GRIP1: variants seen among roughly 807,000 people sequenced by gnomAD.
GRIP1 encodes the protein glutamate receptor interacting protein 1.
In GRIP1, 45 loss-of-function variants were observed where a neutral mutation model predicts 129.9. The observed-to-expected ratio is 0.35, with a 90% CI of 0.27 to 0.44. The LOEUF is 0.44. GRIP1 is among the 20% of genes least tolerant of loss of function. The pLI, the probability that GRIP1 is intolerant of heterozygous loss-of-function variation, is 1.00. For synonymous variants in GRIP1, 530 were observed against 520.8 expected (o/e 1.02, Z -0.24); for missense variants, 1,196 against 1,396.8 (o/e 0.86, Z 2.29).
intron 1 of GRIP1, among the ~76,000 whole-genome samples, chr12:66,846,730 T>A (rs910949039): frequency 6.6e-6 from 1 of 152,202 alleles, no homozygotes; most frequent in Non-Finnish European, 1.5e-5. Context: ...TTGTAGTTTT[T>A]AAAAGACAAT....
At chr12:66,588,565 C>T (rs959360741) in intron 2 of GRIP1, among the ~76,000 whole-genome samples, 5 of 152,140 alleles carry the variant, frequency 3.3e-5, no homozygotes, top group African/African-American at 1.2e-4. Context: ...CCACCTTTTC[C>T]CTTCCCTCAC....
At chr12:66,933,403 A>G (rs2041432400) in intron 1 of GRIP1, among the ~76,000 whole-genome samples, 1 of 152,242 alleles carries the variant, frequency 6.6e-6, no homozygotes, top group South Asian at 2.1e-4. Flanking sequence ...TTTCTAAAAC[A>G]TAACTCTAGT....
rs192279129 is a variant in GRIP1 at position 66,703,626 on chromosome 12, A to G, written c.-419-73290T>C. Among the ~76,000 whole-genome samples the G allele has an allele frequency of 2.1e-3, 319 of 152,166 alleles. 1 individual carries two copies. Among genetic ancestry groups the G allele is most frequent in the African/African-American group, 7.4e-3 (309 of 41,522 alleles). On this transcript the variant is annotated intron_variant, in intron 1 of 4. Coordinates refer to the GRIP1 transcript ENST00000538373. ...GATGGGTGTCAGGAGAGGAAGAAAGAAGAGTCCAGGATGATGCCCAAACTT... is the reference window on the plus strand; with the variant it reads ...GATGGGTGTCAGGAGAGGAAGAAAGGAGAGTCCAGGATGATGCCCAAACTT...
At chr12:66,666,224 T>A (rs1194945063) in intron 1 of GRIP1, among the ~76,000 whole-genome samples, 1 of 152,158 alleles carries the variant, frequency 6.6e-6, no homozygotes, top group Non-Finnish European at 1.5e-5. Context: ...ATGTAAATAT[T>A]TTTCACTGGA....
At chr12:66,621,314 T>A (rs1298805857) in intron 1 of GRIP1, among the ~76,000 whole-genome samples, 4 of 152,186 alleles carry the variant, frequency 2.6e-5, no homozygotes, top group Admixed American at 6.5e-5. Context: ...TCTGTCTCTA[T>A]GAATTTGCCT....
Position 66,349,218 on chromosome 12 carries a change from T to G in GRIP1, c.3188A>C (p.Asp1063Ala), listed in dbSNP as rs2054112126. The change falls in exon 25 of 25, where the codon GAC becomes GCC. Residue 1063 changes from aspartate to alanine, a missense_variant. Physicochemically the swap from Asp to Ala is moderately radical, Grantham distance 126. Transcript: ENST00000359742. ...QVNHVRTRDF[D>A]CCLVVPLIAE... is the part of the protein sequence containing the mutation. ...TATGAGGGGCACAACAAGGCAGCAG[T>G]CAAAGTCTCTGGTTCGGACATGATT... 6.2e-7 allele frequency: 1 copy of G among 1,613,878 alleles called. No individual in the cohort carries two copies. Among genetic ancestry groups the G allele is most frequent in the Non-Finnish European group, 8.5e-7 (1 of 1,179,902 alleles).
intron 1 of GRIP1, among the ~76,000 whole-genome samples, chr12:66,667,556 T>C (rs1361712904): frequency 6.6e-6 from 1 of 152,208 alleles, no homozygotes; most frequent in African/African-American, 2.4e-5. Flanking sequence ...TATAGCACTA[T>C]GTTTTCTTAA....
intron 1 of GRIP1, among the ~76,000 whole-genome samples, chr12:67,003,107 T>C (rs1388153122): frequency 6.6e-6 from 1 of 152,082 alleles, no homozygotes; most frequent in Admixed American, 6.6e-5. Context: ...AACATGCAAC[T>C]TAAAAAAAAA....
At chr12:66,404,394 T>C (rs2057115047) in intron 16 of GRIP1, among the ~76,000 whole-genome samples, 1 of 152,190 alleles carries the variant, frequency 6.6e-6, no homozygotes, top group African/African-American at 2.4e-5. Context: ...TGAAATTATA[T>C]ACAGTAGACG....
At chr12:66,676,880 T>C (rs1262611541) in intron 1 of GRIP1, among the ~76,000 whole-genome samples, 2 of 152,114 alleles carry the variant, frequency 1.3e-5, no homozygotes, top group Non-Finnish European at 2.9e-5. Context: ...TAGAACTCAA[T>C]GAATCCACTT....
chr12:66,557,553 G>C (rs2062377744), intron 2 of GRIP1, among the ~76,000 whole-genome samples: 1 of 152,132 alleles, frequency 6.6e-6, no homozygotes, highest in Non-Finnish European at 1.5e-5. Context: ...CTCGAGAATA[G>C]ATCATATGTT....
chr12:66,889,538 T>C (rs1368793877), intron 1 of GRIP1, among the ~76,000 whole-genome samples: 1 of 152,228 alleles, frequency 6.6e-6, no homozygotes, highest in Non-Finnish European at 1.5e-5. Flanking sequence ...TAAGGTTATA[T>C]ATGTTGAATA....
At chr12:66,795,287 C>A (rs2038662972) in intron 1 of GRIP1, among the ~76,000 whole-genome samples, 2 of 152,196 alleles carry the variant, frequency 1.3e-5, no homozygotes, top group Non-Finnish European at 2.9e-5. Context: ...TTACATTTGA[C>A]ATGTGCCTAG....
chr12:67,059,594 T>C (rs2043496595), intron 1 of GRIP1, among the ~76,000 whole-genome samples: 1 of 152,218 alleles, frequency 6.6e-6, no homozygotes, highest in African/African-American at 2.4e-5. Context: ...GAGACTAATG[T>C]GTTCTTAATT....
At chr12:66,504,455 T>C (rs1244427888) in intron 7 of GRIP1, among the ~76,000 whole-genome samples, 11 of 152,186 alleles carry the variant, frequency 7.2e-5, no homozygotes, top group Non-Finnish European at 2.9e-5. Flanking sequence ...GGCTTGAATC[T>C]CACTTGGGTC....
intron 1 of GRIP1, among the ~76,000 whole-genome samples, chr12:66,815,704 C>T (rs572076425): frequency 6.3e-4 from 96 of 151,904 alleles, no homozygotes; most frequent in Admixed American, 9.2e-4. Context: ...GTAGAGGCTG[C>T]AATAAGCCAA....
intron 13 of GRIP1, among the ~76,000 whole-genome samples, chr12:66,443,772 AC>A: frequency 6.6e-6 from 1 of 151,786 alleles, no homozygotes; most frequent in East Asian, 1.9e-4. Context: ...AATATTCTTG[AC>A]CCCCTACTGC....
intron 13 of GRIP1, 48 bp from the exon 14 acceptor site, chr12:66,432,676 G>C: frequency 9.8e-7 from 1 of 1,015,370 alleles, no homozygotes; most frequent in Non-Finnish European, 1.6e-6. Flanking sequence ...CTGAGGACTG[G>C]AGCACCCATC....
Position 66,651,527 on chromosome 12 carries a change from T to C in GRIP1, c.55+27323A>G, listed in dbSNP as rs560024248. Among the ~76,000 whole-genome samples the C allele has an allele frequency of 8.5e-5, 13 of 152,344 alleles. No individual in the cohort carries two copies. In the South Asian group the frequency reaches 2.7e-3, roughly 32 times the overall value. On this transcript the variant is annotated intron_variant, in intron 1 of 24. Coordinates refer to ENST00000359742, the MANE Select transcript of GRIP1 (RefSeq NM_001366722.1). ...ACTCATGATTGTTGTTCTTTTAACGTGGATATGAGCACTTGAGCAAATGTA... is the reference window on the plus strand; with the variant it reads ...ACTCATGATTGTTGTTCTTTTAACGCGGATATGAGCACTTGAGCAAATGTA...
Sources: gnomAD v4.1 joint callset for allele counts (sites outside exome capture counted in the v4.1 genomes callset) on GRCh38, gnomAD v4.1.1 for gene constraint, MANE v1.5 for transcripts, NCBI Gene and HGNC (gene_info 2026-07-23, HGNC 2026-07-21) for gene names.